Variants in FAM222A observed in about 807,000 individuals in gnomAD.
The protein encoded by FAM222A is protein FAM222A.
Under a neutral mutation model 25.8 loss-of-function variants are expected in FAM222A, and 7 were observed. The ratio of observed to expected loss-of-function variants is 0.27; its 90% CI spans 0.15 to 0.51. The LOEUF is 0.51. Among genes scored for constraint, FAM222A ranks in the 20% least tolerant of loss-of-function variants. FAM222A has a pLI of 0.97. For missense variants in FAM222A, 573 were observed against 640.5 expected, an observed-to-expected ratio of 0.89 and a Z score of 1.14; for synonymous variants, 294 against 298.8, an observed-to-expected ratio of 0.98 and a Z score of 0.17.
intron 2 of FAM222A, among the ~76,000 whole-genome samples, chr12:109,755,287 CT>C (rs540689300): frequency 2.0e-5 from 1 of 49,426 alleles, no homozygotes; most frequent in African/African-American, 8.9e-5. Flanking sequence ...TGTAATTCTT[CT>C]TTTTTTTTTT....
chr12:109,768,682 C>T lies in FAM222A; in HGVS notation c.753C>T (p.Pro251=), dbSNP rs182420516. 1.1e-3 allele frequency: 1,673 copies of T among 1,590,626 alleles called. 1 individual carries two copies. The highest frequency in any genetic ancestry group is 2.4e-3 in the Admixed American group (139 of 58,316). ...CCTACTCGGCTGCAGCCGGTCTGCC[C>T]GACTGCCGGAAAGGCACTGAGCTGG... ...SMAYSAAAGL[P]DCRKGTELGQ... Residue 251 remains proline, a synonymous_variant, in exon 3 of 3, where the codon CCC becomes CCT. Coordinates refer to ENST00000538780, the MANE Select transcript of FAM222A (RefSeq NM_032829.3).
chr12:109,744,023 GA>G, intron 1 of FAM222A, 77 bp from the exon 2 acceptor site: 1 of 1,444,524 alleles, frequency 6.9e-7, no homozygotes, highest in South Asian at 1.4e-5. Flanking sequence ...GGGTTGCAGG[GA>G]GACTCCCGGG....
intron 2 of FAM222A, among the ~76,000 whole-genome samples, chr12:109,764,161 T>C (rs1592801072): frequency 7.1e-6 from 1 of 140,790 alleles, no homozygotes. Flanking sequence ...GCCTGGGAGG[T>C]TGAGGCTGCA....
intron 2 of FAM222A, among the ~76,000 whole-genome samples, chr12:109,752,654 C>T (rs1241013797): frequency 2.6e-5 from 4 of 152,216 alleles, no homozygotes; most frequent in African/African-American, 9.6e-5. Flanking sequence ...AACAAGGGCT[C>T]AGATGAGGTG....
chr12:109,759,686 G>A (rs1339363507), intron 2 of FAM222A, among the ~76,000 whole-genome samples: 1 of 152,208 alleles, frequency 6.6e-6, no homozygotes, highest in Non-Finnish European at 1.5e-5. Context: ...GGCAGAGTGG[G>A]GGAAGGAGTG....
intron 1 of FAM222A, among the ~76,000 whole-genome samples, chr12:109,722,058 C>T (rs181112005): frequency 6.6e-6 from 1 of 151,540 alleles, no homozygotes; most frequent in South Asian, 2.1e-4. Context: ...GACAGGGGAG[C>T]CCTCCCAGAA....
At chr12:109,742,154 G>GT (rs1165006203) in intron 1 of FAM222A, 1 of 152,344 alleles carries the variant, frequency 6.6e-6, no homozygotes, top group Non-Finnish European at 1.5e-5. Context: ...CCGACTGTGC[G>GT]TAAGAGGGTG....
rs971655658 is a variant in FAM222A at position 109,765,339 on chromosome 12, C to T, written c.83-2673C>T. ...CTAGCTGTGACAGCCAATCATGTCT[C>T]TACACACAGCCAGAGTGCCCCGTGC... On this transcript the variant is annotated intron_variant, in intron 2 of 2. Transcript: ENST00000538780. Among the ~76,000 whole-genome samples the T allele has an allele frequency of 2.6e-5, 4 of 152,228 alleles. No homozygotes were observed. The South Asian group carries it at 6.2e-4, about 24-fold the overall frequency.
intron 1 of FAM222A, among the ~76,000 whole-genome samples, chr12:109,741,790 A>G (rs771042707): frequency 1.1e-4 from 16 of 152,302 alleles, no homozygotes; most frequent in Non-Finnish European, 1.9e-4. Context: ...GCTGGGAGGC[A>G]AGGAGGTTCC....
intron 2 of FAM222A, among the ~76,000 whole-genome samples, chr12:109,759,535 T>C (rs1888829373): frequency 6.6e-6 from 1 of 152,212 alleles, no homozygotes; most frequent in Non-Finnish European, 1.5e-5. Flanking sequence ...AATATACTCG[T>C]TAATAACCGC....
At chr12:109,748,993 A>C (rs1016132658) in intron 2 of FAM222A, among the ~76,000 whole-genome samples, 1 of 152,118 alleles carries the variant, frequency 6.6e-6, no homozygotes, top group Non-Finnish European at 1.5e-5. Context: ...CTTCCGAGCT[A>C]TATGTAGTAT....
chr12:109,745,740 A>G (rs1888381775), intron 2 of FAM222A, among the ~76,000 whole-genome samples: 1 of 152,232 alleles, frequency 6.6e-6, no homozygotes, highest in African/African-American at 2.4e-5. Context: ...TCCTGGCCTC[A>G]TGCCATCCTC....
intron 2 of FAM222A, among the ~76,000 whole-genome samples, chr12:109,751,669 T>C (rs1191881147): frequency 6.6e-6 from 1 of 152,236 alleles, no homozygotes; most frequent in African/African-American, 2.4e-5. Flanking sequence ...CCCACCTATT[T>C]TTCTCTTCTA....
chr12:109,722,667 C>T (rs1887765517), intron 1 of FAM222A: 1 of 152,312 alleles, frequency 6.6e-6, no homozygotes, highest in Non-Finnish European at 1.5e-5. Flanking sequence ...CACTCCCCTA[C>T]CCTGCTGCCT....
At chr12:109,722,024 G>C (rs1033863134) in intron 1 of FAM222A, among the ~76,000 whole-genome samples, 20 of 152,280 alleles carry the variant, frequency 1.3e-4, no homozygotes, top group Middle Eastern at 3.4e-3. Flanking sequence ...TCACAGCCTG[G>C]GACAGGGCTG....
chr12:109,733,616 G>A (rs532374379), intron 1 of FAM222A, among the ~76,000 whole-genome samples: 23 of 152,266 alleles, frequency 1.5e-4, no homozygotes, highest in Admixed American at 7.8e-4. Flanking sequence ...TGTTAGCCAG[G>A]ATGGTCTCGA....
chr12:109,753,152 G>A (rs771196455), intron 2 of FAM222A, among the ~76,000 whole-genome samples: 8 of 152,162 alleles, frequency 5.3e-5, no homozygotes, highest in Admixed American at 6.5e-5. Flanking sequence ...GCACCGTGGG[G>A]GCCTGTGGCG....
intron 1 of FAM222A, among the ~76,000 whole-genome samples, chr12:109,716,854 A>G (rs1192718939): frequency 1.3e-5 from 2 of 152,246 alleles, no homozygotes; most frequent in Admixed American, 6.5e-5. Flanking sequence ...CTTTCTCAGC[A>G]TCTCCCTATA....
intron 1 of FAM222A, among the ~76,000 whole-genome samples, chr12:109,737,106 C>G (rs1384246710): frequency 6.6e-6 from 1 of 152,096 alleles, no homozygotes; most frequent in Non-Finnish European, 1.5e-5. Context: ...GAGAAGCCCT[C>G]AGGAACCCGG....
Sources: gnomAD v4.1 joint callset for allele counts (sites outside exome capture counted in the v4.1 genomes callset) on GRCh38, gnomAD v4.1.1 for gene constraint, MANE v1.5 for transcripts, NCBI Gene and HGNC (gene_info 2026-07-23, HGNC 2026-07-21) for gene names.